The following MACROD2 variants were observed in gnomAD, a reference collection of about 807,000 sequenced individuals.
The protein encoded by MACROD2 is mono-ADP ribosylhydrolase 2.
A neutral mutation model predicts 70.4 loss-of-function variants in MACROD2; 36 were observed. That is an observed-to-expected ratio of 0.51 (90% confidence interval 0.39 to 0.68). The LOEUF (loss-of-function observed/expected upper bound fraction) is 0.68, where lower values mean the gene tolerates loss of function less well. MACROD2 is among the 30% of genes least tolerant of loss of function. MACROD2 has a pLI of 0.00. For missense variants in MACROD2, 496 were observed against 538.4 expected, an observed-to-expected ratio of 0.92 and a Z score of 0.78; for synonymous variants, 172 against 178.8, an observed-to-expected ratio of 0.96 and a Z score of 0.30.
intron 3 of MACROD2, among the ~76,000 whole-genome samples, chr20:14,293,400 G>A (rs1019378200): frequency 6.6e-6 from 1 of 151,782 alleles, no homozygotes. Flanking sequence ...AGGGGCTGTG[G>A]GTGCCTTATA....
chr20:14,941,465 C>T (rs927105979), intron 5 of MACROD2, among the ~76,000 whole-genome samples: 6 of 152,028 alleles, frequency 3.9e-5, no homozygotes, highest in Non-Finnish European at 7.4e-5. Flanking sequence ...CTCACTTTTC[C>T]CAGTGTAGAA....
chr20:14,377,202 A>G (rs2083380020), intron 3 of MACROD2, among the ~76,000 whole-genome samples: 1 of 152,226 alleles, frequency 6.6e-6, no homozygotes, highest in South Asian at 2.1e-4. Flanking sequence ...ATAGAGAGCA[A>G]TATAGTAAAG....
intron 7 of MACROD2, among the ~76,000 whole-genome samples, chr20:15,469,945 C>CA (rs1251366445): frequency 1.3e-5 from 2 of 152,086 alleles, no homozygotes; most frequent in Non-Finnish European, 2.9e-5. Flanking sequence ...TAGGCCTCAC[C>CA]AAAAAATTAG....
At chr20:15,299,172 G>A (rs1054586967) in intron 6 of MACROD2, among the ~76,000 whole-genome samples, 2 of 151,854 alleles carry the variant, frequency 1.3e-5, no homozygotes, top group African/African-American at 4.8e-5. Flanking sequence ...ATAATGTGTG[G>A]GTGTGTGTGT....
Position 14,632,410 on chromosome 20 carries a change from GGT to G in MACROD2, c.302-52432_302-52431del, listed in dbSNP as rs560009313. Among the ~76,000 whole-genome samples, 659 of 152,176 alleles carry G rather than the reference GGT, an allele frequency of 4.3e-3. 3 individuals are homozygous for G. Among genetic ancestry groups the G allele is most frequent in the Non-Finnish European group, 7.2e-3 (492 of 67,986 alleles). On this transcript the variant is annotated intron_variant, in intron 4 of 17. Coordinates refer to ENST00000684519, the MANE Select transcript of MACROD2 (RefSeq NM_001351661.2). ...AGGTAAAAACAAATTTGTAAAATAT[GGT>G]AGATATGGGAAATTGTCAATATATT...
chr20:15,698,308 G>T (rs1358803886), intron 8 of MACROD2, among the ~76,000 whole-genome samples: 1 of 152,102 alleles, frequency 6.6e-6, no homozygotes, highest in Non-Finnish European at 1.5e-5. Flanking sequence ...GTCTGAAAAC[G>T]ACTGTACCTT....
chr20:16,024,286 G>C lies in MACROD2; in HGVS notation c.1154-16915G>C, dbSNP rs538151594. Among the ~76,000 whole-genome samples, 3 of 152,240 alleles carry C rather than the reference G, an allele frequency of 2.0e-5. No individual in the cohort carries two copies. In the South Asian group the frequency reaches 6.2e-4, roughly 32 times the overall value. On this transcript the variant is annotated intron_variant, in intron 15 of 17. Transcript: ENST00000684519. Reference sequence around the variant, plus strand: ...TAACAAGGAAGTGCAAATCCTCTCTGTCTGAATGTGGCTTCAATCCAGATT... The same window carrying C: ...TAACAAGGAAGTGCAAATCCTCTCTCTCTGAATGTGGCTTCAATCCAGATT...
intron 5 of MACROD2, among the ~76,000 whole-genome samples, chr20:14,826,704 A>G (rs1195245738): frequency 6.6e-6 from 1 of 152,140 alleles, no homozygotes; most frequent in Admixed American, 6.6e-5. Flanking sequence ...ATCAGCTGTC[A>G]TAATAAGCCG....
intron 8 of MACROD2, among the ~76,000 whole-genome samples, chr20:15,681,864 C>A (rs1190265141): frequency 6.6e-6 from 1 of 152,128 alleles, no homozygotes; most frequent in Admixed American, 6.6e-5. Context: ...TACTAGAGAT[C>A]GTAGAGTGGC....
At chr20:14,651,181 G>A (rs1171154878) in intron 4 of MACROD2, among the ~76,000 whole-genome samples, 1 of 152,128 alleles carries the variant, frequency 6.6e-6, no homozygotes, top group African/African-American at 2.4e-5. Flanking sequence ...TCCAAGACAG[G>A]GACAGCGTAT....
chr20:15,708,380 G>A (rs1411913908), intron 8 of MACROD2, among the ~76,000 whole-genome samples: 4 of 152,260 alleles, frequency 2.6e-5, no homozygotes, highest in South Asian at 2.1e-4. Flanking sequence ...GGAGGGCTTG[G>A]CTGAGAAGGT....
chr20:14,926,100 G>A (rs117729095), intron 5 of MACROD2, among the ~76,000 whole-genome samples: 19 of 152,292 alleles, frequency 1.2e-4, no homozygotes, highest in South Asian at 8.3e-4. Flanking sequence ...CCTCTTGATG[G>A]ATATTACTTT....
intron 5 of MACROD2, among the ~76,000 whole-genome samples, chr20:15,009,577 A>G (rs993351337): frequency 1.6e-4 from 24 of 152,170 alleles, no homozygotes; most frequent in Admixed American, 1.5e-3. Flanking sequence ...TGTTTTGTTT[A>G]TCTGAGCAAA....
At chr20:14,670,903 G>C (rs1276809254) in intron 4 of MACROD2, among the ~76,000 whole-genome samples, 1 of 152,120 alleles carries the variant, frequency 6.6e-6, no homozygotes, top group Non-Finnish European at 1.5e-5. Flanking sequence ...AGGCAGGAAG[G>C]TGGATGAGTA....
At chr20:15,424,852 T>C (rs944022814) in intron 6 of MACROD2, among the ~76,000 whole-genome samples, 16 of 152,232 alleles carry the variant, frequency 1.1e-4, no homozygotes, top group African/African-American at 3.6e-4. Context: ...CACACATAGT[T>C]GTGATGAAGC....
rs1352383420 is a variant in MACROD2, at chr20:14,853,092, A to C, written c.418+168133A>C. On this transcript the variant is annotated intron_variant, in intron 5 of 17. Transcript: ENST00000684519. ...ATCTTACTCTGTAGATAATGGGGAAATTCTATAGTGTTTTAATAGGAAGCA... is the reference window on the plus strand; with the variant it reads ...ATCTTACTCTGTAGATAATGGGGAACTTCTATAGTGTTTTAATAGGAAGCA... 1.3e-5 allele frequency among the ~76,000 whole-genome samples: 2 copies of C among 151,912 alleles called. 1 individual carries two copies. The highest frequency in any genetic ancestry group is 1.3e-4 in the Admixed American group (2 of 15,254).
intron 5 of MACROD2, among the ~76,000 whole-genome samples, chr20:15,167,457 G>A (rs1013663950): frequency 2.0e-5 from 3 of 151,950 alleles, no homozygotes; most frequent in Admixed American, 6.6e-5. Flanking sequence ...CCTCCTCCTC[G>A]CTGTATTCAG....
At chr20:15,696,512 G>A (rs1279182147) in intron 8 of MACROD2, among the ~76,000 whole-genome samples, 1 of 151,822 alleles carries the variant, frequency 6.6e-6, no homozygotes, top group Non-Finnish European at 1.5e-5. Flanking sequence ...TTTCTTTTTT[G>A]GTTATGCCCT....
chr20:14,477,528 C>T (rs1398920312), intron 3 of MACROD2, among the ~76,000 whole-genome samples: 1 of 151,586 alleles, frequency 6.6e-6, no homozygotes, highest in African/African-American at 2.4e-5. Flanking sequence ...GAACTTGCTT[C>T]CTTGCTTCCT....
Sources: gnomAD v4.1 joint callset for allele counts (sites outside exome capture counted in the v4.1 genomes callset) on GRCh38, gnomAD v4.1.1 for gene constraint, MANE v1.5 for transcripts, NCBI Gene and HGNC (gene_info 2026-07-23, HGNC 2026-07-21) for gene names.